CDH13: variants seen among roughly 807,000 people sequenced by gnomAD.
CDH13 encodes cadherin 13.
Under a neutral mutation model 63.8 loss-of-function variants are expected in CDH13, and 24 were observed. The ratio of observed to expected loss-of-function variants is 0.38; its 90% CI spans 0.27 to 0.53. The LOEUF (loss-of-function observed/expected upper bound fraction) is 0.53, where lower values mean the gene tolerates loss of function less well. CDH13 is among the 20% of genes least tolerant of loss of function. The pLI, the probability that CDH13 is intolerant of heterozygous loss-of-function variation, is 0.85. For synonymous variants in CDH13, 503 were observed against 355.3 expected, an observed-to-expected ratio of 1.42 and a Z score of -4.67; for missense variants, 1,049 against 903.1, an observed-to-expected ratio of 1.16 and a Z score of -2.07.
chr16:82,667,121 C>T (rs28542877), intron 1 of CDH13, among the ~76,000 whole-genome samples: 5,757 of 152,202 alleles, frequency 0.038, 365 homozygotes, highest in African/African-American at 0.13. Flanking sequence ...TATCTGATGC[C>T]AGCTTATTCA....
intron 1 of CDH13, among the ~76,000 whole-genome samples, chr16:82,783,646 G>A (rs11646849): frequency 0.45 from 67,754 of 152,060 alleles, 15,934 homozygotes; most frequent in South Asian, 0.56. Context: ...ACTAAATGGA[G>A]TTGCTTGTTC....
chr16:83,474,407 C>T (rs2073546175), intron 6 of CDH13, among the ~76,000 whole-genome samples: 1 of 152,144 alleles, frequency 6.6e-6, no homozygotes, highest in Non-Finnish European at 1.5e-5. Context: ...CCAAGGATTC[C>T]ACTCTCAAGG....
At chr16:82,983,628 G>C (rs1409376890) in intron 2 of CDH13, among the ~76,000 whole-genome samples, 1 of 152,244 alleles carries the variant, frequency 6.6e-6, no homozygotes, top group Non-Finnish European at 1.5e-5. Context: ...GGGCTGCTGT[G>C]AGATGATGTC....
At chr16:83,512,657 G>T (rs1202297745) in intron 7 of CDH13, among the ~76,000 whole-genome samples, 1 of 147,186 alleles carries the variant, frequency 6.8e-6, no homozygotes, top group African/African-American at 2.6e-5. Flanking sequence ...AACAGAGTGA[G>T]ACTCCGTCTC....
intron 2 of CDH13, among the ~76,000 whole-genome samples, chr16:82,935,931 G>A (rs1031162540): frequency 6.6e-6 from 1 of 152,148 alleles, no homozygotes; most frequent in African/African-American, 2.4e-5. Flanking sequence ...TGGCAGCTGT[G>A]CTGAATTTTA....
At chr16:83,583,224 C>T (rs1006603396) in intron 7 of CDH13, among the ~76,000 whole-genome samples, 1 of 152,176 alleles carries the variant, frequency 6.6e-6, no homozygotes, top group South Asian at 2.1e-4. Context: ...CCCAGCTAAT[C>T]CAAAATCATC....
chr16:83,133,085 A>G (rs2036130132), intron 4 of CDH13, among the ~76,000 whole-genome samples: 1 of 152,184 alleles, frequency 6.6e-6, no homozygotes, highest in Admixed American at 6.5e-5. Flanking sequence ...CACTAACCAC[A>G]TGTGGTCAAT....
intron 11 of CDH13, among the ~76,000 whole-genome samples, chr16:83,770,513 G>A (rs115387048): frequency 0.011 from 1,688 of 152,230 alleles, 41 homozygotes; most frequent in African/African-American, 0.038. Flanking sequence ...AATTCAGTGC[G>A]AGTCCATTAA....
At chr16:83,186,391 C>T (rs915264865) in intron 4 of CDH13, among the ~76,000 whole-genome samples, 8 of 152,092 alleles carry the variant, frequency 5.3e-5, no homozygotes, top group Non-Finnish European at 7.3e-5. Context: ...CCCGCCTCGG[C>T]CTCCCAAAGT....
chr16:82,978,150 A>G (rs574516367), intron 2 of CDH13, among the ~76,000 whole-genome samples: 404 of 152,310 alleles, frequency 2.7e-3, no homozygotes, highest in Non-Finnish European at 4.2e-3. Context: ...AGAGCCTTCA[A>G]GAGGTGGCTT....
intron 5 of CDH13, among the ~76,000 whole-genome samples, chr16:83,274,132 C>A (rs1483478330): frequency 6.6e-6 from 1 of 152,224 alleles, no homozygotes; most frequent in Non-Finnish European, 1.5e-5. Context: ...CATCCCAACA[C>A]CAAGGTCCCT....
intron 2 of CDH13, among the ~76,000 whole-genome samples, chr16:82,988,940 T>C (rs1911311508): frequency 6.6e-6 from 1 of 152,138 alleles, no homozygotes; most frequent in African/African-American, 2.4e-5. Flanking sequence ...GAAGACTCCA[T>C]TGTCTCATTT....
intron 7 of CDH13, among the ~76,000 whole-genome samples, chr16:83,547,253 G>A (rs917066504): frequency 6.6e-6 from 1 of 152,228 alleles, no homozygotes; most frequent in Non-Finnish European, 1.5e-5. Context: ...CCTGGACCCA[G>A]GGGGATGTGG....
chr16:82,771,280 A>C (rs560204427), intron 1 of CDH13, among the ~76,000 whole-genome samples: 1 of 152,200 alleles, frequency 6.6e-6, no homozygotes, highest in Non-Finnish European at 1.5e-5. Flanking sequence ...AATTAATTAA[A>C]ATGTGTTATA....
At chr16:83,404,564 C>T (rs1051660152) in intron 6 of CDH13, among the ~76,000 whole-genome samples, 1 of 152,162 alleles carries the variant, frequency 6.6e-6, no homozygotes, top group East Asian at 1.9e-4. Flanking sequence ...TCCTTTAGTA[C>T]TTTCTTTTTG....
chr16:82,629,531 G>A (rs567284162), intron 1 of CDH13, among the ~76,000 whole-genome samples: 9 of 152,312 alleles, frequency 5.9e-5, no homozygotes, highest in East Asian at 1.9e-4. Context: ...CTTTCCTGAG[G>A]CAGAGAGAAA....
intron 1 of CDH13, among the ~76,000 whole-genome samples, chr16:82,671,830 A>T (rs189201158): frequency 5.3e-5 from 8 of 152,314 alleles, no homozygotes; most frequent in African/African-American, 1.7e-4. Context: ...AAAAGAAGAG[A>T]AACACCATGG....
chr16:82,717,271 C>G (rs764948805), intron 1 of CDH13, among the ~76,000 whole-genome samples: 8 of 151,890 alleles, frequency 5.3e-5, no homozygotes, highest in Non-Finnish European at 1.2e-4. Flanking sequence ...CCCATCTCTA[C>G]TAAAAATACA....
chr16:82,635,634 G>T (rs1908561616), intron 1 of CDH13, among the ~76,000 whole-genome samples: 1 of 152,218 alleles, frequency 6.6e-6, no homozygotes, highest in Non-Finnish European at 1.5e-5. Context: ...GAATGGAAAG[G>T]AAAGGCCAGT....
Sources: gnomAD v4.1 joint callset for allele counts (sites outside exome capture counted in the v4.1 genomes callset) on GRCh38, gnomAD v4.1.1 for gene constraint, MANE v1.5 for transcripts, NCBI Gene and HGNC (gene_info 2026-07-23, HGNC 2026-07-21) for gene names.